GALNTL6: variants seen among roughly 807,000 people sequenced by gnomAD.
GALNTL6 encodes polypeptide N-acetylgalactosaminyltransferase-like 6.
A neutral mutation model predicts 73.7 loss-of-function variants in GALNTL6; 46 were observed. The observed-to-expected ratio is 0.62, with a 90% confidence interval of 0.49 to 0.80. The LOEUF is 0.80. Ranked by LOEUF, GALNTL6 falls within the 30% of genes least tolerant of loss-of-function variation. GALNTL6 has a pLI of 0.00. For missense variants in GALNTL6, 604 were observed against 755.0 expected, an observed-to-expected ratio of 0.80 and a Z score of 2.34; for synonymous variants, 259 against 263.7, an observed-to-expected ratio of 0.98 and a Z score of 0.17.
intron 5 of GALNTL6, among the ~76,000 whole-genome samples, chr4:172,442,216 G>A (rs926625762): frequency 1.1e-4 from 17 of 152,088 alleles, no homozygotes; most frequent in African/African-American, 4.1e-4. Context: ...AACTTTGTAG[G>A]TCACAACTAC....
Position 172,073,017 on chromosome 4 carries a change from G to A in GALNTL6, c.139-156639G>A, listed in dbSNP as rs78541585. On this transcript the variant is annotated intron_variant, in intron 2 of 12. Transcript: ENST00000506823. ...CTCACTTATCGATTCTCCTCTCTCC[G>A]TTTTGCTTTTCACGAAATACAATTC... is the stretch of plus-strand genomic sequence containing the variant. Among the ~76,000 whole-genome samples the A allele has an allele frequency of 4.1e-3, 622 of 152,044 alleles. 3 individuals carry two copies. The highest frequency in any genetic ancestry group is 0.014 in the African/African-American group (582 of 41,468).
Position 172,813,617 on chromosome 4 carries a change from G to A in GALNTL6, c.817G>A (p.Ala273Thr). The part of the protein sequence containing the change: ...VIDHNHFGYE[A>T]QAGDAMRGAF... ...TGACCACAATCACTTCGGGTATGAGGCACAAGCTGGGGATGCCATGCGAGG... is the reference window on the plus strand; with the variant it reads ...TGACCACAATCACTTCGGGTATGAGACACAAGCTGGGGATGCCATGCGAGG... Residue 273 changes from alanine (A) to threonine (T), a missense_variant, in exon 7 of 13, where the codon GCA becomes ACA. Physicochemically the swap from Ala to Thr is moderately conservative, Grantham distance 58. Coordinates refer to ENST00000506823, the MANE Select transcript of GALNTL6 (RefSeq NM_001034845.3). The A allele has an allele frequency of 1.2e-6, 2 of 1,613,208 alleles. No homozygotes were observed. Among genetic ancestry groups the A allele is most frequent in the Admixed American group, 1.7e-5 (1 of 59,982 alleles).
In GALNTL6 at chr4:172,609,621, C is replaced by G. The variant is rs375017230; in HGVS notation, c.554-199740C>G. Among the ~76,000 whole-genome samples the G allele has an allele frequency of 1.6e-3, 45 of 27,476 alleles. No homozygotes were observed. In the South Asian group the frequency reaches 0.017, roughly 10 times the overall value. The allele number at this position is 27,476 out of a possible 152,430, so 18.0% of individuals were successfully genotyped here. On this transcript the variant is annotated intron_variant, in intron 5 of 12. Transcript: ENST00000506823. Reference sequence around the variant, plus strand: ...AAGTTTTCTCTCTCTCTCTCTCTCTCTCTCTGTGTGTGTGTGTGTGTGTGT... The same window carrying G: ...AAGTTTTCTCTCTCTCTCTCTCTCTGTCTCTGTGTGTGTGTGTGTGTGTGT...
chr4:172,906,249 A>G (rs1746887187), intron 8 of GALNTL6, among the ~76,000 whole-genome samples: 1 of 152,160 alleles, frequency 6.6e-6, no homozygotes, highest in Admixed American at 6.5e-5. Context: ...AAAAAAACAC[A>G]CACAAATACC....
At chr4:172,108,376 G>C (rs10028922) in intron 2 of GALNTL6, among the ~76,000 whole-genome samples, 61,660 of 151,986 alleles carry the variant, frequency 0.41, 13,062 homozygotes, top group African/African-American at 0.5. Flanking sequence ...TATGGAGGCT[G>C]AGAACTACCA....
At chr4:172,821,913 C>T (rs953316248) in intron 7 of GALNTL6, among the ~76,000 whole-genome samples, 7 of 152,148 alleles carry the variant, frequency 4.6e-5, no homozygotes, top group African/African-American at 1.7e-4. Context: ...TTTGAAGCCC[C>T]CTCCCCCATT....
At chr4:171,841,215 G>A (rs1489096454) in intron 2 of GALNTL6, among the ~76,000 whole-genome samples, 1 of 152,110 alleles carries the variant, frequency 6.6e-6, no homozygotes, top group South Asian at 2.1e-4. Flanking sequence ...TAAAAATAAT[G>A]TAGCATATGA....
chr4:171,866,258 A>G (rs887908234), intron 2 of GALNTL6, among the ~76,000 whole-genome samples: 1 of 152,186 alleles, frequency 6.6e-6, no homozygotes, highest in South Asian at 2.1e-4. Flanking sequence ...GATATAATTC[A>G]ACATCAATTA....
chr4:172,330,238 G>A (rs1038907534), intron 4 of GALNTL6, among the ~76,000 whole-genome samples: 3 of 152,180 alleles, frequency 2.0e-5, no homozygotes, highest in South Asian at 4.1e-4. Context: ...GTGCCTGAGC[G>A]GCCACTAAGC....
chr4:172,930,429 G>T (rs1447605041), intron 8 of GALNTL6, among the ~76,000 whole-genome samples: 1 of 152,116 alleles, frequency 6.6e-6, no homozygotes, highest in Non-Finnish European at 1.5e-5. Flanking sequence ...TGATATGCTT[G>T]TGTTCTTTAA....
intron 8 of GALNTL6, among the ~76,000 whole-genome samples, chr4:172,925,179 T>G (rs1356602417): frequency 3.8e-5 from 5 of 130,068 alleles, no homozygotes; most frequent in African/African-American, 8.1e-5. Context: ...GCTTATGTTT[T>G]TTTTTTTTTT....
chr4:171,817,779 G>A (rs941235484), intron 2 of GALNTL6, among the ~76,000 whole-genome samples: 17 of 151,478 alleles, frequency 1.1e-4, no homozygotes, highest in African/African-American at 4.1e-4. Flanking sequence ...AAAGAGGATC[G>A]ATATAACAGT....
At chr4:171,879,574 C>T (rs1736379104) in intron 2 of GALNTL6, among the ~76,000 whole-genome samples, 1 of 152,204 alleles carries the variant, frequency 6.6e-6, no homozygotes, top group South Asian at 2.1e-4. Context: ...TATGATTAGA[C>T]AATTCATCAG....
At chr4:172,205,098 T>C (rs560931388) in intron 2 of GALNTL6, among the ~76,000 whole-genome samples, 17 of 152,330 alleles carry the variant, frequency 1.1e-4, no homozygotes, top group African/African-American at 3.8e-4. Flanking sequence ...ATACACTACA[T>C]TGGTGCTTTA....
At chr4:172,417,741 C>G (rs891933554) in intron 5 of GALNTL6, among the ~76,000 whole-genome samples, 3 of 152,142 alleles carry the variant, frequency 2.0e-5, no homozygotes, top group Admixed American at 6.6e-5. Flanking sequence ...TTTTTGTATG[C>G]TGCTTCTCCA....
At chr4:172,138,553 G>A (rs1416163172) in intron 2 of GALNTL6, among the ~76,000 whole-genome samples, 5 of 50,196 alleles carry the variant, frequency 1.0e-4, no homozygotes, top group Non-Finnish European at 1.5e-4. Flanking sequence ...TTTTTGAGAC[G>A]CAATCTCGCT....
At chr4:172,917,459 G>A (rs969398014) in intron 8 of GALNTL6, among the ~76,000 whole-genome samples, 2 of 152,102 alleles carry the variant, frequency 1.3e-5, no homozygotes, top group African/African-American at 2.4e-5. Context: ...AAGTGAACAG[G>A]CAACATACAG....
intron 5 of GALNTL6, among the ~76,000 whole-genome samples, chr4:172,704,784 G>T (rs1366041458): frequency 2.6e-5 from 4 of 151,928 alleles, no homozygotes; most frequent in Non-Finnish European, 5.9e-5. Flanking sequence ...CTAAAAATGG[G>T]ATGTGGAAGT....
chr4:172,476,772 A>T (rs1733250459), intron 5 of GALNTL6, among the ~76,000 whole-genome samples: 1 of 152,226 alleles, frequency 6.6e-6, no homozygotes, highest in Admixed American at 6.5e-5. Context: ...ATGGAAAAAT[A>T]TTATTAAGCA....
Sources: allele counts gnomAD v4.1 joint callset (sites outside exome capture counted in the v4.1 genomes callset), GRCh38; gene constraint gnomAD v4.1.1; transcripts MANE v1.5; gene names NCBI Gene and HGNC (gene_info 2026-07-23, HGNC 2026-07-21).